Variants in PPP2R5E observed in about 807,000 individuals in gnomAD.
The protein encoded by PPP2R5E is serine/threonine-protein phosphatase 2A 56 kDa regulatory subunit epsilon isoform.
A neutral mutation model predicts 65.3 loss-of-function variants in PPP2R5E; 4 were observed. That is an observed-to-expected ratio of 0.06 (90% CI 0.03 to 0.14). PPP2R5E has a LOEUF of 0.14. Among genes scored for constraint, PPP2R5E ranks in the 10% least tolerant of loss-of-function variants. PPP2R5E has a pLI of 1.00. For synonymous variants in PPP2R5E, 183 were observed against 187.4 expected (o/e 0.98, Z 0.19); for missense variants, 274 against 556.1 (o/e 0.49, Z 5.10).
Position 63,539,700 on chromosome 14 carries a change from GA to G in PPP2R5E, c.-7-9del. 6.2e-7 allele frequency: 1 copy of G among 1,610,142 alleles called. No homozygotes were observed. Among genetic ancestry groups the G allele is most frequent in the South Asian group, 1.1e-5 (1 of 90,586 alleles). On this transcript the variant is annotated splice_polypyrimidine_tract_variant and intron_variant, in intron 1 of 13. Coordinates refer to ENST00000337537, the MANE Select transcript of PPP2R5E (RefSeq NM_006246.5). ...GCTGAGGACATATCCCTACTGAAGA[GA>G]AAGAAGTATCATAAACCCATACATT... is the stretch of plus-strand genomic sequence containing the variant.
chr14:63,541,094 GA>G (rs530750264), intron 1 of PPP2R5E, among the ~76,000 whole-genome samples: 57 of 152,276 alleles, frequency 3.7e-4, no homozygotes, highest in Admixed American at 1.2e-3. Flanking sequence ...TACTACTACT[GA>G]AACTATCTAG....
intron 3 of PPP2R5E, among the ~76,000 whole-genome samples, chr14:63,430,743 A>ATC (rs1365027133): frequency 2.0e-5 from 3 of 152,184 alleles, no homozygotes; most frequent in Admixed American, 6.5e-5. Context: ...AAATGGCAAA[A>ATC]TCTGTAAGCT....
At chr14:63,435,698 A>C (rs113759136) in intron 3 of PPP2R5E, among the ~76,000 whole-genome samples, 2,063 of 152,308 alleles carry the variant, frequency 0.014, 52 homozygotes, top group African/African-American at 0.046. Flanking sequence ...CTTACTGCCC[A>C]CAAATTCTGA....
At chr14:63,409,280 G>A (rs1194650284) in intron 5 of PPP2R5E, among the ~76,000 whole-genome samples, 2 of 151,806 alleles carry the variant, frequency 1.3e-5, no homozygotes, top group East Asian at 1.9e-4. Context: ...GGTGGTGCAC[G>A]TCTGTAATCC....
chr14:63,421,796 A>C (rs543333620), intron 4 of PPP2R5E, among the ~76,000 whole-genome samples, 197 bp downstream of exon 4: 185 of 152,322 alleles, frequency 1.2e-3, no homozygotes, highest in Middle Eastern at 0.01. Context: ...GGGACACTAA[A>C]GCATCACACT....
intron 2 of PPP2R5E, among the ~76,000 whole-genome samples, chr14:63,539,228 GAAGAA>G (rs1893790494): frequency 6.6e-6 from 1 of 152,098 alleles, no homozygotes; most frequent in South Asian, 2.1e-4. Context: ...AACGTCAACA[GAAGAA>G]AAAATGAAAA....
intron 3 of PPP2R5E, among the ~76,000 whole-genome samples, chr14:63,430,421 G>GCATACATACATACATA (rs1173499980): frequency 1.4e-5 from 2 of 144,074 alleles, no homozygotes; most frequent in African/African-American, 5.3e-5. Flanking sequence ...ATACATACAT[G>GCATACATACATACATA]CATACATACA....
intron 2 of PPP2R5E, among the ~76,000 whole-genome samples, chr14:63,512,086 A>T (rs1224311344): frequency 2.7e-5 from 4 of 149,234 alleles, no homozygotes; most frequent in African/African-American, 2.5e-5. Flanking sequence ...GGTAAAAAAA[A>T]AAAAAAAAAA....
chr14:63,423,440 G>T (rs570838343), intron 3 of PPP2R5E, among the ~76,000 whole-genome samples: 1 of 152,108 alleles, frequency 6.6e-6, no homozygotes, highest in African/African-American at 2.4e-5. Context: ...TTTAAATGTT[G>T]TTGGTACTAG....
At chr14:63,433,950 C>T (rs1470901322) in intron 3 of PPP2R5E, among the ~76,000 whole-genome samples, 4 of 152,152 alleles carry the variant, frequency 2.6e-5, no homozygotes, top group Non-Finnish European at 4.4e-5. Flanking sequence ...CATTTGCTTT[C>T]TAGCTTCCAA....
chr14:63,423,272 T>G (rs1887140312), intron 3 of PPP2R5E, among the ~76,000 whole-genome samples: 1 of 152,138 alleles, frequency 6.6e-6, no homozygotes. Flanking sequence ...ATTTTTGTAT[T>G]TTTAAGTAGA....
intron 2 of PPP2R5E, among the ~76,000 whole-genome samples, chr14:63,461,560 C>G (rs1889459543): frequency 6.6e-6 from 1 of 151,328 alleles, no homozygotes; most frequent in East Asian, 2.0e-4. Context: ...CTTTGGGAGG[C>G]CAAGGTGGGA....
chr14:63,525,557 AAC>A (rs1426653167), intron 2 of PPP2R5E, among the ~76,000 whole-genome samples: 1 of 152,138 alleles, frequency 6.6e-6, no homozygotes, highest in Non-Finnish European at 1.5e-5. Context: ...CACCCAAAGC[AAC>A]TGTTCCTAGC....
intron 5 of PPP2R5E, among the ~76,000 whole-genome samples, chr14:63,403,743 C>T (rs927856505): frequency 2.0e-5 from 3 of 149,426 alleles, no homozygotes. Flanking sequence ...GTGATGAATA[C>T]ACAGGAAAGC....
In PPP2R5E at chr14:63,425,451, T is replaced by C. The variant is rs140751532; in HGVS notation, c.355-3357A>G. On this transcript the variant is annotated intron_variant, in intron 3 of 13. Coordinates refer to ENST00000337537, the MANE Select transcript of PPP2R5E (RefSeq NM_006246.5). Reference sequence around the variant, plus strand: ...TCCCAACTGAGTCATTTATACGTACTACACTTTTTAACAAGTGTTTTTCCT... The same window carrying C: ...TCCCAACTGAGTCATTTATACGTACCACACTTTTTAACAAGTGTTTTTCCT... 1.1e-4 allele frequency among the ~76,000 whole-genome samples: 17 copies of C among 152,340 alleles called. 1 individual carries two copies. In the East Asian group the frequency reaches 3.3e-3, roughly 29 times the overall value.
intron 2 of PPP2R5E, among the ~76,000 whole-genome samples, chr14:63,457,649 A>G (rs766994207): frequency 1.3e-5 from 2 of 152,212 alleles, no homozygotes; most frequent in African/African-American, 2.4e-5. Context: ...AGCAGAGGCC[A>G]TCCCTGCTCC....
At chr14:63,426,006 T>C (rs1887313749) in intron 3 of PPP2R5E, among the ~76,000 whole-genome samples, 1 of 152,232 alleles carries the variant, frequency 6.6e-6, no homozygotes, top group African/African-American at 2.4e-5. Flanking sequence ...CTGTCATGCT[T>C]TATTTAGTTT....
At chr14:63,507,539 AC>A (rs1892248408) in intron 2 of PPP2R5E, among the ~76,000 whole-genome samples, 1 of 150,182 alleles carries the variant, frequency 6.7e-6, no homozygotes. Flanking sequence ...AAAAAAAAAA[AC>A]AAGACTTAAA....
At position 63,395,456 on chromosome 14, in the gene PPP2R5E, AGGAGGAGGGGGGAAGAGAGGAGGAGG is replaced by A. The variant is rs1228716486; in HGVS notation, c.681-197_681-172del. ...GGACAAGGGGGAAGAGAGAAGGAGG[AGGAGGAGGGGGGAAGAGAGGAGGAGG>A]AGAGGAGGGGGGAAGAGAGGAGGAG... On this transcript the variant is annotated intron_variant, in intron 6 of 13. Transcript: ENST00000337537. Among the ~76,000 whole-genome samples the A allele has an allele frequency of 7.3e-3, 88 of 11,998 alleles. 4 individuals are homozygous for A. The highest frequency in any genetic ancestry group is 0.033 in the East Asian group (16 of 484). The allele number at this position is 11,998 out of a possible 152,430, so 7.9% of individuals were successfully genotyped here.
Sources: allele counts gnomAD v4.1 joint callset (sites outside exome capture counted in the v4.1 genomes callset), GRCh38; gene constraint gnomAD v4.1.1; transcripts MANE v1.5; gene names NCBI Gene and HGNC (gene_info 2026-07-23, HGNC 2026-07-21).